Variants in PIEZO2 observed in about 807,000 individuals in gnomAD.
The protein encoded by PIEZO2 is piezo type mechanosensitive ion channel component 2, also known as piezo-type mechanosensitive ion channel component 2.
Under a neutral mutation model 337.3 loss-of-function variants are expected in PIEZO2, and 172 were observed. The ratio of observed to expected loss-of-function variants is 0.51; its 90% CI spans 0.45 to 0.58. PIEZO2 has a LOEUF of 0.58. Ranked by LOEUF, PIEZO2 falls within the 20% of genes least tolerant of loss-of-function variation. PIEZO2 has a pLI of 0.00. For synonymous variants in PIEZO2, 1,251 were observed against 1,228.5 expected (o/e 1.02, Z -0.38); for missense variants, 3,028 against 3,391.3 (o/e 0.89, Z 2.66).
chr18:10,791,620 T>G (rs572547345), intron 13 of PIEZO2: 15 of 222,396 alleles, frequency 6.7e-5, no homozygotes, highest in African/African-American at 3.5e-4. Context: ...CTGCAACAGG[T>G]GGTCTTCCTT....
intron 7 of PIEZO2, among the ~76,000 whole-genome samples, chr18:10,816,096 T>A (rs1460005240): frequency 6.6e-6 from 1 of 152,218 alleles, no homozygotes; most frequent in Admixed American, 6.5e-5. Context: ...CTAAGTCTCA[T>A]GCTGGAAGCC....
At position 10,830,070 on chromosome 18, in the gene PIEZO2, A is replaced by AGCTGG. The variant is rs2040798873; in HGVS notation, c.918-22797_918-22796insCCAGC. Among the ~76,000 whole-genome samples the AGCTGG allele has an allele frequency of 6.6e-6, 1 of 152,154 alleles. No individual in the cohort carries two copies. The highest frequency in any genetic ancestry group is 1.5e-5 in the Non-Finnish European group (1 of 68,020). Reference sequence around the variant, plus strand: ...ATACTACAGAGCTCTAGTAACCAAAACAGTATGGTACTGGCATAAAAACAG... The same window carrying AGCTGG: ...ATACTACAGAGCTCTAGTAACCAAAAGCTGGCAGTATGGTACTGGCATAAAAACAG... On this transcript the variant is annotated intron_variant, in intron 7 of 55. Coordinates refer to ENST00000674853, the MANE Select transcript of PIEZO2 (RefSeq NM_001378183.1). This position sits in a 1 kb window ranked among gnomAD's most constrained non-coding sequence, Gnocchi z 4.7.
At chr18:10,718,601 A>T (rs1376138018) in intron 36 of PIEZO2, among the ~76,000 whole-genome samples, 1 of 152,214 alleles carries the variant, frequency 6.6e-6, no homozygotes, top group Non-Finnish European at 1.5e-5. Context: ...TGCATGTGAA[A>T]ATTATGTGAA....
chr18:10,932,682 G>A (rs1185051590), intron 3 of PIEZO2, among the ~76,000 whole-genome samples: 1 of 152,118 alleles, frequency 6.6e-6, no homozygotes, highest in East Asian at 1.9e-4. Context: ...CAGCACTTTG[G>A]GAGGCAGAGG....
At chr18:10,714,229 C>T (rs900496425) in intron 39 of PIEZO2, among the ~76,000 whole-genome samples, 7 of 152,068 alleles carry the variant, frequency 4.6e-5, no homozygotes, top group African/African-American at 7.2e-5. Context: ...TGGCCCCTGG[C>T]GAACCCATTA....
chr18:10,868,814 T>C (rs1260195723), intron 5 of PIEZO2, among the ~76,000 whole-genome samples: 1 of 152,238 alleles, frequency 6.6e-6, no homozygotes, highest in Non-Finnish European at 1.5e-5. Flanking sequence ...TGGCACCTCA[T>C]CATGACCTCA....
chr18:10,798,193 G>A (rs142111776), intron 11 of PIEZO2, among the ~76,000 whole-genome samples: 1 of 152,336 alleles, frequency 6.6e-6, no homozygotes, highest in Non-Finnish European at 1.5e-5. Flanking sequence ...AGAGGAACCA[G>A]CCTAGTGATG....
intron 4 of PIEZO2, among the ~76,000 whole-genome samples, chr18:10,882,834 C>CTTTTTTTTTTTTTTTTTTTTTTTTTTTTT (rs745618117): frequency 9.1e-6 from 1 of 109,984 alleles, no homozygotes. Context: ...ACCACATTTT[C>CTTTTTTTTTTTTTTTTTTTTTTTTTTTTT]TTTTTTTCTT....
In PIEZO2 at chr18:10,748,403, A is replaced by C; in HGVS notation, c.4424+68T>G. 1 of 1,437,984 alleles carries C rather than the reference A, an allele frequency of 7.0e-7. No homozygotes were observed. Among genetic ancestry groups the C allele is most frequent in the Non-Finnish European group, 9.4e-7 (1 of 1,066,114 alleles). The allele number at this position is 1,437,984 out of a possible 1,614,324, so 89.1% of individuals were successfully genotyped here. On this transcript the variant is annotated intron_variant, in intron 30 of 55. Coordinates refer to ENST00000674853, the MANE Select transcript of PIEZO2 (RefSeq NM_001378183.1). The surrounding 1 kb of genome is among the most constrained non-coding windows in gnomAD (Gnocchi z 5.1). The stretch of plus-strand genomic sequence containing the variant: ...GTTCTAGAAGCAAGCTCAGACAGAA[A>C]TGATAGTGCAATATTATTTCAGGCA...
chr18:10,786,407 A>G (rs1219141120), intron 16 of PIEZO2, among the ~76,000 whole-genome samples: 2 of 152,240 alleles, frequency 1.3e-5, no homozygotes, highest in Non-Finnish European at 2.9e-5. Context: ...GTGTTGGTGT[A>G]GTTACACAGT....
Position 11,109,544 on chromosome 18 carries a change from C to T in PIEZO2, c.64+38981G>A, listed in dbSNP as rs1004459706. ...GACCCTGGCCAAGATGGCGAAACCC[C>T]GTCTCTACTGAAAATACAAAAAAAT... On this transcript the variant is annotated intron_variant, in intron 1 of 55. Transcript: ENST00000674853. This position sits in a 1 kb window ranked among gnomAD's most constrained non-coding sequence, Gnocchi z 5.1. Among the ~76,000 whole-genome samples, 6 of 151,136 alleles carry T rather than the reference C, an allele frequency of 4.0e-5. No homozygotes were observed. The highest frequency in any genetic ancestry group is 1.5e-4 in the African/African-American group (6 of 40,986).
rs645447 is a variant in PIEZO2, at chr18:10,682,766, C to T, written c.7498-474G>A. On this transcript the variant is annotated intron_variant, in intron 49 of 55. Coordinates refer to ENST00000674853, the MANE Select transcript of PIEZO2 (RefSeq NM_001378183.1). This position sits in a 1 kb window ranked among gnomAD's most constrained non-coding sequence, Gnocchi z 5.6. Reference sequence around the variant, plus strand: ...ACATGATTTTTAATTTAATTCATGACACGTGTTGTTAAAGACAATGTTGTT... The same window carrying T: ...ACATGATTTTTAATTTAATTCATGATACGTGTTGTTAAAGACAATGTTGTT... Among the ~76,000 whole-genome samples the T allele has an allele frequency of 0.9, 136,864 of 152,200 alleles. 62,565 individuals carry two copies. The highest frequency in any genetic ancestry group is 0.98 in the Non-Finnish European group (66,601 of 68,022).
intron 53 of PIEZO2, 32 bp from the exon 54 acceptor site, chr18:10,675,320 G>A (rs374815336): frequency 1.3e-5 from 17 of 1,312,324 alleles, no homozygotes; most frequent in South Asian, 7.8e-5. Context: ...ATACAATTAC[G>A]TTTTAGTTGT....
intron 3 of PIEZO2, among the ~76,000 whole-genome samples, chr18:10,951,299 A>G (rs1414858594): frequency 1.3e-5 from 2 of 152,180 alleles, no homozygotes; most frequent in Non-Finnish European, 2.9e-5. Context: ...CATACCAAAG[A>G]CCATCTGGTC....
rs1288893892 is a variant in PIEZO2 at position 10,894,126 on chromosome 18, G to C, written c.329+17060C>G. Among the ~76,000 whole-genome samples, 2 of 152,176 alleles carry C rather than the reference G, an allele frequency of 1.3e-5. No individual in the cohort carries two copies. Among genetic ancestry groups the C allele is most frequent in the African/African-American group, 2.4e-5 (1 of 41,446 alleles). ...CAGCAGCTTCCTGATAAAATCCCAG[G>C]AGGTGGGTGAATGGGCTCAAGCATG... On this transcript the variant is annotated intron_variant, in intron 4 of 55. Transcript: ENST00000674853. The surrounding 1 kb of genome is among the most constrained non-coding windows in gnomAD (Gnocchi z 4.1).
At position 11,101,374 on chromosome 18, in the gene PIEZO2, G is replaced by A. The variant is rs1269152582; in HGVS notation, c.65-35152C>T. ...ATGAAGCACTCTCAGAGGGCCCCAGGAGCAGAAACGGAAGTGGTTCCCTTA... is the reference window on the plus strand; with the variant it reads ...ATGAAGCACTCTCAGAGGGCCCCAGAAGCAGAAACGGAAGTGGTTCCCTTA... On this transcript the variant is annotated intron_variant, in intron 1 of 55. Transcript: ENST00000674853. This position sits in a 1 kb window ranked among gnomAD's most constrained non-coding sequence, Gnocchi z 4.4. 2.0e-5 allele frequency among the ~76,000 whole-genome samples: 3 copies of A among 152,236 alleles called. No homozygotes were observed. The highest frequency in any genetic ancestry group is 2.9e-5 in the Non-Finnish European group (2 of 68,038).
At chr18:10,809,453 A>AG (rs1004008362) in intron 7 of PIEZO2, among the ~76,000 whole-genome samples, 2 of 151,562 alleles carry the variant, frequency 1.3e-5, no homozygotes, top group African/African-American at 4.8e-5. Flanking sequence ...TATTTGTAGT[A>AG]GGGACGGGAT....
intron 3 of PIEZO2, among the ~76,000 whole-genome samples, chr18:10,956,985 A>C (rs462166): frequency 0.025 from 3,717 of 147,334 alleles, 198 homozygotes; most frequent in African/African-American, 0.088. Context: ...AAAAAAAAAA[A>C]AGAAATCATC....
intron 7 of PIEZO2, among the ~76,000 whole-genome samples, chr18:10,832,778 T>G (rs1425169464): frequency 6.6e-6 from 1 of 152,222 alleles, no homozygotes; most frequent in African/African-American, 2.4e-5. Flanking sequence ...GGGCTCCTTG[T>G]TAAAATGCCA....
Sources: gnomAD v4.1 joint callset for allele counts (sites outside exome capture counted in the v4.1 genomes callset) on GRCh38, gnomAD v4.1.1 for gene constraint, Gnocchi (gnomAD v3.1) non-coding constraint, MANE v1.5 for transcripts, NCBI Gene and HGNC (gene_info 2026-07-23, HGNC 2026-07-21) for gene names.